MKLN1: variants seen among roughly 807,000 people sequenced by gnomAD.
The protein encoded by MKLN1 is muskelin.
A neutral mutation model predicts 99.0 loss-of-function variants in MKLN1; 18 were observed. The observed-to-expected ratio is 0.18, with a 90% CI of 0.13 to 0.27. The LOEUF (loss-of-function observed/expected upper bound fraction) is 0.27, where lower values mean the gene tolerates loss of function less well. MKLN1 is among the 10% of genes least tolerant of loss of function. The probability of loss-of-function intolerance (pLI) is 1.00; values close to 1 mark genes in which losing one functional copy is unlikely to be tolerated. For missense variants in MKLN1, 621 were observed against 875.9 expected (o/e 0.71, Z 3.67); for synonymous variants, 288 against 293.2 (o/e 0.98, Z 0.18).
At chr7:131,472,144 T>C (rs1014189154) in intron 16 of MKLN1, 1 of 152,270 alleles carries the variant, frequency 6.6e-6, no homozygotes, top group Non-Finnish European at 1.5e-5. Flanking sequence ...TTATGACTTA[T>C]AACTGTACTT....
chr7:131,196,688 C>T (rs981348838), intron 2 of MKLN1, among the ~76,000 whole-genome samples: 11 of 152,156 alleles, frequency 7.2e-5, no homozygotes, highest in Admixed American at 2.6e-4. Flanking sequence ...GCTGCTTGTA[C>T]AGTGTAGTAG....
At chr7:131,373,392 C>T (rs892314335) in intron 1 of MKLN1, among the ~76,000 whole-genome samples, 2 of 151,474 alleles carry the variant, frequency 1.3e-5, no homozygotes, top group Non-Finnish European at 2.9e-5. Flanking sequence ...TTTTATTTGC[C>T]TTTATTTTTT....
At chr7:131,343,568 A>G (rs763902176) in intron 1 of MKLN1, among the ~76,000 whole-genome samples, 30 of 152,274 alleles carry the variant, frequency 2.0e-4, no homozygotes, top group Non-Finnish European at 2.8e-4. Context: ...TTATTTGTCA[A>G]TGAATTCCCT....
intron 1 of MKLN1, among the ~76,000 whole-genome samples, chr7:131,350,016 G>C (rs1799674010): frequency 6.6e-6 from 1 of 151,974 alleles, no homozygotes; most frequent in Non-Finnish European, 1.5e-5. Flanking sequence ...GTTTTGCTTT[G>C]AGTGATGGTA....
At chr7:131,370,611 A>G (rs1011150568) in intron 1 of MKLN1, among the ~76,000 whole-genome samples, 1 of 151,966 alleles carries the variant, frequency 6.6e-6, no homozygotes, top group Non-Finnish European at 1.5e-5. Flanking sequence ...GGGTTTTGGT[A>G]TACCACTTCC....
intron 3 of MKLN1, among the ~76,000 whole-genome samples, chr7:131,210,352 G>A (rs1175680443): frequency 1.3e-5 from 2 of 151,986 alleles, no homozygotes; most frequent in African/African-American, 4.8e-5. Flanking sequence ...GCAACACGGA[G>A]AAACCCTGTC....
intron 1 of MKLN1, among the ~76,000 whole-genome samples, chr7:131,350,024 G>A (rs1449446838): frequency 6.6e-6 from 1 of 151,974 alleles, no homozygotes; most frequent in Non-Finnish European, 1.5e-5. Flanking sequence ...TTGAGTGATG[G>A]TAACTAACGA....
chr7:131,376,121 TATATATATATATATGTATG>T (rs1277722999), intron 2 of MKLN1, among the ~76,000 whole-genome samples: 11 of 222 alleles, frequency 0.05, 1 homozygote, highest in African/African-American at 0.13. Flanking sequence ...TATATATATA[TATATATATATATATGTATG>T]ATGTATGTAT....
chr7:131,358,334 GT>G (rs1382092615), intron 1 of MKLN1, among the ~76,000 whole-genome samples: 4 of 152,108 alleles, frequency 2.6e-5, no homozygotes, highest in Non-Finnish European at 5.9e-5. Context: ...CTATTGATGT[GT>G]AATACATTAA....
intron 4 of MKLN1, among the ~76,000 whole-genome samples, chr7:131,393,410 C>G (rs761704634): frequency 1.1e-4 from 17 of 152,246 alleles, no homozygotes; most frequent in Non-Finnish European, 1.8e-4. Flanking sequence ...TTTACATACC[C>G]TTTTAGTCTG....
intron 2 of MKLN1, among the ~76,000 whole-genome samples, chr7:131,379,535 A>C (rs1044888370): frequency 6.6e-6 from 1 of 152,214 alleles, no homozygotes; most frequent in East Asian, 1.9e-4. Context: ...TCCACTAAGC[A>C]CAGATAGAAA....
At chr7:131,110,556 T>C (rs1795177747) in intron 1 of MKLN1, among the ~76,000 whole-genome samples, 1 of 152,144 alleles carries the variant, frequency 6.6e-6, no homozygotes, top group Non-Finnish European at 1.5e-5. Context: ...TCCCAGAGCC[T>C]TGCTGCGCTT....
At position 131,490,839 on chromosome 7, in the gene MKLN1, T is replaced by C. The variant is rs751102817; in HGVS notation, c.*3111T>C. On this transcript the variant is annotated 3_prime_UTR_variant, in exon 18 of 18. Transcript: ENST00000352689. The stretch of plus-strand genomic sequence containing the variant: ...CTTCACATCTGCCTTAAAAGTGCTA[T>C]GTAGAGATACATTAACAGAGTTATA... 6.6e-6 allele frequency: 1 copy of C among 152,608 alleles called. No homozygotes were observed. Among genetic ancestry groups the C allele is most frequent in the Admixed American group, 6.5e-5 (1 of 15,268 alleles). 9.5% of individuals were successfully genotyped at this position (152,608 alleles called of 1,614,324 possible).
chr7:131,393,661 C>T (rs937631199), intron 4 of MKLN1, among the ~76,000 whole-genome samples: 6 of 152,002 alleles, frequency 3.9e-5, no homozygotes, highest in Non-Finnish European at 5.9e-5. Flanking sequence ...GGGTCTTTCT[C>T]GGTTACCTAG....
In MKLN1 at chr7:131,493,919, T is replaced by C. The variant is rs1797485764; in HGVS notation, c.*6191T>C. ...GGCAGGAAGAAGAAACACTGTGTGATATACTGAACAAGCCTGTGTGCATGA... is the reference window on the plus strand; with the variant it reads ...GGCAGGAAGAAGAAACACTGTGTGACATACTGAACAAGCCTGTGTGCATGA... On this transcript the variant is annotated 3_prime_UTR_variant, in exon 18 of 18. Coordinates refer to ENST00000352689, the MANE Select transcript of MKLN1 (RefSeq NM_013255.5). The C allele has an allele frequency of 6.6e-6, 1 of 152,218 alleles. No homozygotes were observed. The highest frequency in any genetic ancestry group is 2.4e-5 in the African/African-American group (1 of 41,454). 9.4% of individuals were successfully genotyped at this position (152,218 alleles called of 1,614,324 possible). A position where few individuals can be genotyped will look rare whatever the true frequency, so the allele number is the denominator to read the frequency against.
At position 131,212,403 on chromosome 7, in the gene MKLN1, C is replaced by T. The variant is rs376040490; in HGVS notation, c.-179+9429C>T. 1.2e-4 allele frequency among the ~76,000 whole-genome samples: 19 copies of T among 152,324 alleles called. No individual in the cohort carries two copies. In the East Asian group the frequency reaches 3.3e-3, roughly 26 times the overall value. On this transcript the variant is annotated intron_variant, in intron 3 of 7. Coordinates refer to the MKLN1 transcript ENST00000416992. The stretch of plus-strand genomic sequence containing the variant: ...GGGAGAGGGTGTTTACATGAATAGA[C>T]TCTTCTTTAACTATAGGTCACTTTT...
intron 2 of MKLN1, among the ~76,000 whole-genome samples, chr7:131,160,630 C>T (rs901579843): frequency 6.6e-6 from 1 of 150,478 alleles, no homozygotes; most frequent in Non-Finnish European, 1.5e-5. Flanking sequence ...CCTATTCTCC[C>T]ACCTCAGCCT....
chr7:131,432,572 C>G (rs765667357), intron 9 of MKLN1, among the ~76,000 whole-genome samples: 1 of 152,046 alleles, frequency 6.6e-6, no homozygotes, highest in Admixed American at 6.6e-5. Flanking sequence ...CTCAGCCTCC[C>G]GAGTAGCTGG....
At chr7:131,196,974 C>T (rs1796656048) in intron 2 of MKLN1, among the ~76,000 whole-genome samples, 1 of 152,112 alleles carries the variant, frequency 6.6e-6, no homozygotes, top group Admixed American at 6.6e-5. Flanking sequence ...TTAGCTGGAG[C>T]TCATTGTGTG....
Sources: gnomAD v4.1 joint callset for allele counts (sites outside exome capture counted in the v4.1 genomes callset) on GRCh38, gnomAD v4.1.1 for gene constraint, MANE v1.5 for transcripts, NCBI Gene and HGNC (gene_info 2026-07-23, HGNC 2026-07-21) for gene names.